The following MED27 variants were observed in gnomAD, a reference collection of about 807,000 sequenced individuals.
MED27 encodes the protein mediator of RNA polymerase II transcription subunit 27.
A neutral mutation model predicts 38.2 loss-of-function variants in MED27; 30 were observed. That is an observed-to-expected ratio of 0.79 (90% CI 0.59 to 1.07). The LOEUF is 1.07. Among genes scored for constraint, MED27 ranks in the 50% least tolerant of loss-of-function variants. The pLI, the probability that MED27 is intolerant of heterozygous loss-of-function variation, is 0.00. For missense variants in MED27, 289 were observed against 397.5 expected (o/e 0.73, Z 2.32); for synonymous variants, 122 against 153.5 (o/e 0.79, Z 1.52).
intron 4 of MED27, among the ~76,000 whole-genome samples, chr9:131,911,063 T>C (rs1830179109): frequency 6.6e-6 from 1 of 152,336 alleles, no homozygotes; most frequent in Non-Finnish European, 1.5e-5. Context: ...AATTAGGATC[T>C]TTACAAGAGA....
In MED27 at chr9:131,920,732, C is replaced by A. The variant is rs549858949; in HGVS notation, c.573+18649G>T. Among the ~76,000 whole-genome samples, 214 of 151,950 alleles carry A rather than the reference C, an allele frequency of 1.4e-3. 1 individual carries two copies. The highest frequency in any genetic ancestry group is 5.0e-3 in the African/African-American group (207 of 41,374). ...CCTTGAAGACTAGGAGGAATGGGGG[C>A]CTGGGGAAACCTTTGGCCAAAGGCC... On this transcript the variant is annotated intron_variant, in intron 4 of 7. Coordinates refer to ENST00000292035, the MANE Select transcript of MED27 (RefSeq NM_004269.4).
chr9:131,938,513 C>T (rs183006635), intron 4 of MED27, among the ~76,000 whole-genome samples: 1 of 152,242 alleles, frequency 6.6e-6, no homozygotes, highest in East Asian at 1.9e-4. Flanking sequence ...CATAATTTAG[C>T]ATTTCTATCC....
chr9:131,980,467 G>A (rs1384225650), intron 3 of MED27, among the ~76,000 whole-genome samples: 2 of 152,206 alleles, frequency 1.3e-5, no homozygotes, highest in East Asian at 1.9e-4. Flanking sequence ...CACCCCTCAC[G>A]GACACAGCAT....
intron 3 of MED27, among the ~76,000 whole-genome samples, chr9:131,981,543 T>C (rs1486832189): frequency 6.6e-6 from 1 of 152,186 alleles, no homozygotes; most frequent in Non-Finnish European, 1.5e-5. Context: ...CTTCCTCAAC[T>C]ATTCCCAGGA....
intron 2 of MED27, among the ~76,000 whole-genome samples, chr9:132,072,995 G>A (rs114224910): frequency 9.9e-5 from 15 of 152,142 alleles, no homozygotes; most frequent in African/African-American, 3.6e-4. Context: ...AATGACAGCC[G>A]CCACAGAACA....
intron 2 of MED27, among the ~76,000 whole-genome samples, chr9:132,050,891 T>C (rs935348971): frequency 6.6e-6 from 1 of 152,232 alleles, no homozygotes; most frequent in Non-Finnish European, 1.5e-5. Flanking sequence ...CCTTGACTTT[T>C]TCATTACTAC....
chr9:131,951,578 TTAACC>T (rs1473878841), intron 3 of MED27, among the ~76,000 whole-genome samples: 1 of 152,224 alleles, frequency 6.6e-6, no homozygotes, highest in Non-Finnish European at 1.5e-5. Flanking sequence ...ACAAGTTACT[TTAACC>T]TCTCTAAGCT....
At chr9:131,882,049 C>T (rs926217821) in intron 6 of MED27, among the ~76,000 whole-genome samples, 9 of 152,022 alleles carry the variant, frequency 5.9e-5, no homozygotes, top group Middle Eastern at 3.2e-3. Context: ...CCACCGCACC[C>T]GGCCCCATTA....
At chr9:131,947,823 G>A (rs752353951) in intron 3 of MED27, among the ~76,000 whole-genome samples, 2 of 152,100 alleles carry the variant, frequency 1.3e-5, no homozygotes, top group Non-Finnish European at 2.9e-5. Flanking sequence ...TTCTCCACCC[G>A]TACAAAATCT....
intron 2 of MED27, among the ~76,000 whole-genome samples, chr9:132,030,947 C>T (rs1832946371): frequency 6.6e-6 from 1 of 152,214 alleles, no homozygotes; most frequent in African/African-American, 2.4e-5. Flanking sequence ...ACTACCTTTG[C>T]AGAGTGAAGT....
At position 131,893,926 on chromosome 9, in the gene MED27, C is replaced by G; in HGVS notation, c.640G>C (p.Val214Leu). Residue 214 changes from valine (V) to leucine (L), a missense_variant, in exon 5 of 8, where the codon GTA becomes CTA. Transcript: ENST00000292035. ...MRSLFIDRTI[V>L]KGYNENVYTE... The stretch of plus-strand genomic sequence containing the variant: ...TAGACATTCTCGTTATATCCCTTTA[C>G]TATTGTTCGATCAATGAACAGGCTC... 3 of 1,614,204 alleles carry G rather than the reference C, an allele frequency of 1.9e-6. No individual in the cohort carries two copies. Among genetic ancestry groups the G allele is most frequent in the Non-Finnish European group, 2.5e-6 (3 of 1,180,030 alleles).
chr9:131,867,953 G>A (rs1339842832), intron 6 of MED27, among the ~76,000 whole-genome samples: 1 of 152,206 alleles, frequency 6.6e-6, no homozygotes, highest in Non-Finnish European at 1.5e-5. Context: ...CACTACAGGA[G>A]AATGGCCCCC....
At chr9:131,970,521 C>T (rs1831454024) in intron 3 of MED27, among the ~76,000 whole-genome samples, 1 of 152,218 alleles carries the variant, frequency 6.6e-6, no homozygotes, top group African/African-American at 2.4e-5. Flanking sequence ...ACAGTCCACA[C>T]CACGAAACAG....
chr9:131,971,426 CT>C (rs1831474510), intron 3 of MED27, among the ~76,000 whole-genome samples: 1 of 152,208 alleles, frequency 6.6e-6, no homozygotes, highest in Non-Finnish European at 1.5e-5. Context: ...TCATGGAAGC[CT>C]TTGCAGACCA....
At chr9:131,899,871 A>T (rs1292790960) in intron 4 of MED27, among the ~76,000 whole-genome samples, 1 of 152,232 alleles carries the variant, frequency 6.6e-6, no homozygotes, top group Non-Finnish European at 1.5e-5. Flanking sequence ...AAAGAGATGC[A>T]GCACATAGAG....
intron 2 of MED27, among the ~76,000 whole-genome samples, chr9:132,039,324 A>T (rs919768483): frequency 6.6e-6 from 1 of 152,160 alleles, no homozygotes; most frequent in African/African-American, 2.4e-5. Flanking sequence ...TGTGTAACTG[A>T]AGCTCTGTGC....
intron 6 of MED27, among the ~76,000 whole-genome samples, chr9:131,878,907 C>T (rs895562949): frequency 1.3e-5 from 2 of 151,898 alleles, no homozygotes; most frequent in African/African-American, 4.8e-5. Flanking sequence ...CTTCTTCACC[C>T]TAGGACCAAG....
Position 131,860,264 on chromosome 9 carries a change from A to G in MED27, c.*274T>C. 1 of 354,118 alleles carries G rather than the reference A, an allele frequency of 2.8e-6. No individual in the cohort carries two copies. The highest frequency in any genetic ancestry group is 5.0e-6 in the Non-Finnish European group (1 of 198,596). 21.9% of individuals were successfully genotyped at this position (354,118 alleles called of 1,614,324 possible). On this transcript the variant is annotated 3_prime_UTR_variant, in exon 8 of 8. Transcript: ENST00000292035. The surrounding 1 kb of genome is among the most constrained non-coding windows in gnomAD (Gnocchi z 5.8). ...ACAGACACCAGCACTGCCGACACAC[A>G]TGGACGAGGAGCATGCTGCACAGCT...
At chr9:131,918,154 G>A (rs1830326504) in intron 4 of MED27, among the ~76,000 whole-genome samples, 2 of 152,206 alleles carry the variant, frequency 1.3e-5, no homozygotes, top group Non-Finnish European at 2.9e-5. Flanking sequence ...ACCTCTTTGG[G>A]ACAAATGCAG....
Sources: allele counts gnomAD v4.1 joint callset (sites outside exome capture counted in the v4.1 genomes callset), GRCh38; gene constraint gnomAD v4.1.1; non-coding constraint Gnocchi (gnomAD v3.1); transcripts MANE v1.5; gene names NCBI Gene and HGNC (gene_info 2026-07-23, HGNC 2026-07-21).